Variants in SLC51A observed in about 807,000 individuals in gnomAD.
SLC51A encodes the protein solute carrier family 51 member A.
A neutral mutation model predicts 34.8 loss-of-function variants in SLC51A; 22 were observed. The observed-to-expected ratio is 0.63, with a 90% CI of 0.45 to 0.90. The LOEUF is 0.90. Ranked by LOEUF, SLC51A falls within the 40% of genes least tolerant of loss-of-function variation. The pLI is 0.00. For synonymous variants in SLC51A, 181 were observed against 176.3 expected, an observed-to-expected ratio of 1.03 and a Z score of -0.21; for missense variants, 371 against 414.8, an observed-to-expected ratio of 0.89 and a Z score of 0.92.
At chr3:196,226,897 C>G in intron 2 of SLC51A, 68 bp from the exon 3 acceptor site, 1 of 1,495,454 alleles carries the variant, frequency 6.7e-7, no homozygotes, top group South Asian at 1.4e-5. Context: ...AATTTCGATC[C>G]GAGGAACAAG....
At chr3:196,222,460 C>G (rs1487041035) in intron 2 of SLC51A, among the ~76,000 whole-genome samples, 1 of 149,762 alleles carries the variant, frequency 6.7e-6, no homozygotes, top group Non-Finnish European at 1.5e-5. Context: ...CATGGTGAAA[C>G]CCTATCTCTA....
rs144807166 is a variant in SLC51A at position 196,226,055 on chromosome 3, G to A, written c.134-910G>A. 2.8e-3 allele frequency among the ~76,000 whole-genome samples: 432 copies of A among 152,280 alleles called. 1 individual carries two copies. Among genetic ancestry groups the A allele is most frequent in the African/African-American group, 0.01 (418 of 41,562 alleles). ...CCCCTGGCCGAGTGTGGTGGCTCAC[G>A]TCTGTAATCCCAGCACTTTGGGAGA... is the stretch of plus-strand genomic sequence containing the variant. On this transcript the variant is annotated intron_variant, in intron 2 of 8. Transcript: ENST00000296327.
At chr3:196,225,264 G>A (rs996230741) in intron 2 of SLC51A, among the ~76,000 whole-genome samples, 21 of 152,028 alleles carry the variant, frequency 1.4e-4, no homozygotes, top group Non-Finnish European at 2.5e-4. Context: ...GTGAGCCACC[G>A]TGCCCAGCCG....
intron 2 of SLC51A, among the ~76,000 whole-genome samples, chr3:196,224,956 CA>C (rs1313244140): frequency 6.6e-6 from 1 of 151,328 alleles, no homozygotes; most frequent in Non-Finnish European, 1.5e-5. Context: ...AAAGAAGACA[CA>C]AATCATCCAT....
chr3:196,228,670 C>A lies in SLC51A; in HGVS notation c.522-139C>A. 1.4e-6 allele frequency: 1 copy of A among 703,448 alleles called. No individual in the cohort carries two copies. The highest frequency in any genetic ancestry group is 2.6e-5 in the East Asian group (1 of 39,212). 43.6% of individuals were successfully genotyped at this position (703,448 alleles called of 1,614,324 possible). A position where few individuals can be genotyped will look rare whatever the true frequency, so the allele number is the denominator to read the frequency against. On this transcript the variant is annotated intron_variant, in intron 5 of 8. Transcript: ENST00000296327. The surrounding 1 kb of genome is among the most constrained non-coding windows in gnomAD (Gnocchi z 4.9). ...GCACTCTCAACATTCTGCTTTTTTC[C>A]TCTGTCCCCATCCACTTAACCTGGT...
intron 2 of SLC51A, among the ~76,000 whole-genome samples, chr3:196,220,059 C>G (rs1723705872): frequency 6.6e-6 from 1 of 152,204 alleles, no homozygotes; most frequent in Non-Finnish European, 1.5e-5. Flanking sequence ...TCGGGGACGC[C>G]CCAGGCCCAG....
rs538770464 is a variant in SLC51A at position 196,227,723 on chromosome 3, A to G, written c.348A>G (p.Glu116=). 4.3e-6 allele frequency: 7 copies of G among 1,613,192 alleles called. No homozygotes were observed. The African/African-American group carries it at 8.0e-5, about 18-fold the overall frequency. The part of the protein sequence containing the change: ...LWIPRSLVLV[E]MTITSFYAVC... ...TCCCTCGTTCCCTGGTGCTGGTGGAAATGACCATCACCTCGTGAGTGCCCT... is the reference window on the plus strand; with the variant it reads ...TCCCTCGTTCCCTGGTGCTGGTGGAGATGACCATCACCTCGTGAGTGCCCT... Residue 116 remains glutamate, a synonymous_variant, in exon 4 of 9, where the codon GAA becomes GAG. Coordinates refer to ENST00000296327, the MANE Select transcript of SLC51A (RefSeq NM_152672.6).
intron 1 of SLC51A, among the ~76,000 whole-genome samples, chr3:196,217,150 G>A (rs767362633): frequency 6.6e-6 from 1 of 152,212 alleles, no homozygotes; most frequent in Non-Finnish European, 1.5e-5. Flanking sequence ...GGGCTCTTCA[G>A]GCACGGCAGC....
At chr3:196,223,770 A>G (rs958168987) in intron 2 of SLC51A, 1 of 375,396 alleles carries the variant, frequency 2.7e-6, no homozygotes, top group African/African-American at 2.2e-5. Flanking sequence ...AAAATACAGA[A>G]CAGTAAAAAG....
rs544799590 is a variant in SLC51A at position 196,228,382 on chromosome 3, G to A, written c.521+109G>A. 1.7e-5 allele frequency: 24 copies of A among 1,387,768 alleles called. No individual in the cohort carries two copies. The highest frequency in any genetic ancestry group is 2.2e-5 in the Non-Finnish European group (23 of 1,048,644). 86.0% of individuals were successfully genotyped at this position (1,387,768 alleles called of 1,614,324 possible). On this transcript the variant is annotated intron_variant, in intron 5 of 8. Transcript: ENST00000296327. The surrounding 1 kb of genome is among the most constrained non-coding windows in gnomAD (Gnocchi z 4.9). Reference sequence around the variant, plus strand: ...GCGTGAATAGGCCAAAGCCAGTGACGGAAGGGTGGGCATCCCACGGCCAGG... The same window carrying A: ...GCGTGAATAGGCCAAAGCCAGTGACAGAAGGGTGGGCATCCCACGGCCAGG...
intron 2 of SLC51A, among the ~76,000 whole-genome samples, chr3:196,218,820 G>A (rs527938441): frequency 6.6e-6 from 1 of 150,942 alleles, no homozygotes; most frequent in South Asian, 2.1e-4. Flanking sequence ...CCTTTTGCAA[G>A]AAGCACTTTT....
chr3:196,219,225 G>A (rs1162025310), intron 2 of SLC51A, among the ~76,000 whole-genome samples: 3 of 151,366 alleles, frequency 2.0e-5, no homozygotes, highest in Non-Finnish European at 4.4e-5. Context: ...GTGAGACTCC[G>A]TCTCAAAAAT....
rs538061797 is a variant in SLC51A, at chr3:196,223,716, T to C, written c.134-3249T>C. 2.4e-3 allele frequency among the ~76,000 whole-genome samples: 318 copies of C among 132,168 alleles called. 2 individuals are homozygous for C. The highest frequency in any genetic ancestry group is 8.8e-3 in the African/African-American group (307 of 34,744). The allele number at this position is 132,168 out of a possible 152,430, so 86.7% of individuals were successfully genotyped here. A position where few individuals can be genotyped will look rare whatever the true frequency, so the allele number is the denominator to read the frequency against. On this transcript the variant is annotated intron_variant, in intron 2 of 8. Coordinates refer to ENST00000296327, the MANE Select transcript of SLC51A (RefSeq NM_152672.6). ...TTTTTTTAATTAAACATTTCTATTA[T>C]AAAAATCATTCAGGTTTAGTTAAAA... is the stretch of plus-strand genomic sequence containing the variant.
intron 3 of SLC51A, 54 bp from the exon 4 acceptor site, chr3:196,227,610 C>T (rs780774447): frequency 1.6e-5 from 25 of 1,542,100 alleles, no homozygotes; most frequent in Non-Finnish European, 2.0e-5. Flanking sequence ...AAAAGGCTTC[C>T]GGAGCCTCAG....
At chr3:196,227,239 G>GA (rs1723921005) in intron 3 of SLC51A, 120 bp downstream of exon 3, 12 of 1,115,032 alleles carry the variant, frequency 1.1e-5, no homozygotes, top group Non-Finnish European at 1.5e-5. Flanking sequence ...ACCCGCGGAG[G>GA]GCCGAGGTTT....
At chr3:196,217,114 C>A (rs566636032) in intron 1 of SLC51A, among the ~76,000 whole-genome samples, 2 of 152,246 alleles carry the variant, frequency 1.3e-5, no homozygotes, top group African/African-American at 2.4e-5. Flanking sequence ...GGCTGCTGCC[C>A]GACCCGCATG....
intron 2 of SLC51A, 135 bp downstream of exon 2, chr3:196,218,071 G>T (rs370002588): frequency 7.7e-6 from 6 of 774,484 alleles, no homozygotes; most frequent in Non-Finnish European, 1.3e-5. Flanking sequence ...CTGTCATCGT[G>T]GTTAAGGCTC....
chr3:196,228,173 A>C lies in SLC51A; in HGVS notation c.421A>C (p.Lys141Gln). The C allele has an allele frequency of 2.5e-6, 4 of 1,613,646 alleles. No individual in the cohort carries two copies. The highest frequency in any genetic ancestry group is 3.4e-6 in the Non-Finnish European group (4 of 1,179,874). ...MLVMVEGFGGKEAVLRTLRDT... is the reference protein window; with the variant it reads ...MLVMVEGFGGQEAVLRTLRDT... ...GGTCATGGTGGAAGGCTTTGGGGGG[A>C]AGGAGGCAGTGCTGAGGACGCTGAG... Residue 141 changes from lysine to glutamine, a missense_variant, in exon 5 of 9, where the codon AAG (lysine) becomes CAG (glutamine). Physicochemically the swap from Lys to Gln is moderately conservative, Grantham distance 53. Coordinates refer to ENST00000296327, the MANE Select transcript of SLC51A (RefSeq NM_152672.6). The surrounding 1 kb of genome is among the most constrained non-coding windows in gnomAD (Gnocchi z 4.9).
In SLC51A at chr3:196,217,890, C is replaced by T; in HGVS notation, c.87C>T (p.Pro29=). 6.2e-7 allele frequency: 1 copy of T among 1,613,602 alleles called. No homozygotes were observed. Among genetic ancestry groups the T allele is most frequent in the East Asian group, 2.2e-5 (1 of 44,820 alleles). Residue 29 remains proline (P), a synonymous_variant, in exon 2 of 9, where the codon CCC becomes CCT. Transcript: ENST00000296327. ...LEVLKTNYGI[P]SACFSQPPTA... Reference sequence around the variant, plus strand: ...TGCTGAAGACCAATTACGGCATCCCCTCCGCCTGCTTCTCTCAGCCTCCCA... The same window carrying T: ...TGCTGAAGACCAATTACGGCATCCCTTCCGCCTGCTTCTCTCAGCCTCCCA...
Sources: gnomAD v4.1 joint callset for allele counts (sites outside exome capture counted in the v4.1 genomes callset) on GRCh38, gnomAD v4.1.1 for gene constraint, Gnocchi (gnomAD v3.1) non-coding constraint, MANE v1.5 for transcripts, NCBI Gene and HGNC (gene_info 2026-07-23, HGNC 2026-07-21) for gene names.